PRUNE2: variants seen among roughly 807,000 people sequenced by gnomAD.
The protein encoded by PRUNE2 is prune homolog 2 with BCH domain.
PRUNE2 carries 164 observed loss-of-function variants against 252.0 expected under a neutral mutation model. The observed-to-expected ratio is 0.65, with a 90% CI of 0.57 to 0.74. PRUNE2 has a LOEUF of 0.74. PRUNE2 is among the 30% of genes least tolerant of loss of function. PRUNE2 has a pLI of 0.00. For synonymous variants in PRUNE2, 1,292 were observed against 1,350.2 expected (o/e 0.96, Z 0.94); for missense variants, 3,495 against 3,711.0 (o/e 0.94, Z 1.51).
In PRUNE2 at chr9:76,810,609, T is replaced by C. The variant is rs186290688; in HGVS notation, c.756+13023A>G. Among the ~76,000 whole-genome samples, 4 of 152,334 alleles carry C rather than the reference T, an allele frequency of 2.6e-5. No individual in the cohort carries two copies. The East Asian group carries it at 7.7e-4, about 29-fold the overall frequency. On this transcript the variant is annotated intron_variant, in intron 6 of 18. Transcript: ENST00000376718. ...GGCTCAGCACAGCCATCCTTAGCAA[T>C]CATGTCAATTAAGCAACAGTAAAAG...
chr9:76,638,435 T>C (rs1841098468), intron 12 of PRUNE2, 147 bp from the exon 13 acceptor site: 2 of 615,502 alleles, frequency 3.2e-6, no homozygotes, highest in Non-Finnish European at 5.8e-6. Context: ...TGACTATAGG[T>C]CTGTAGGTAT....
Position 76,706,116 on chromosome 9 carries a change from A to G in PRUNE2, c.6158T>C (p.Leu2053Ser). 6.2e-7 allele frequency: 1 copy of G among 1,614,038 alleles called. No homozygotes were observed. ...DSRGTFVPDI[L>S]HGNFQEGGQL... ...CCCACCCTCTTGAAAGTTGCCATGT[A>G]AAATATCTGGCACAAAGGTACCTCG... The change falls in exon 8 of 19, where the codon TTA becomes TCA. Residue 2053 changes from leucine to serine, a missense_variant. Leu to Ser is a moderately radical substitution (Grantham distance 145). Transcript: ENST00000376718.
intron 6 of PRUNE2, chr9:76,758,604 C>T (rs779514213): frequency 5.3e-5 from 8 of 152,052 alleles, no homozygotes; most frequent in East Asian, 3.9e-4. Flanking sequence ...GGGCTGCTCC[C>T]GCCTCAGCCT....
At chr9:76,736,543 GCTGTCTGATGAGCAC>G (rs2049090191) in intron 6 of PRUNE2, 1 of 152,178 alleles carries the variant, frequency 6.6e-6, no homozygotes, top group African/African-American at 2.4e-5. Context: ...TGACATACTC[GCTGTCTGATGAGCAC>G]CTGCCTCCTG....
At chr9:76,682,397 T>C (rs1359256530) in intron 9 of PRUNE2, among the ~76,000 whole-genome samples, 1 of 151,028 alleles carries the variant, frequency 6.6e-6, no homozygotes, top group African/African-American at 2.4e-5. Flanking sequence ...GTTTCACTCT[T>C]GTTGCCCAGG....
At chr9:76,768,186 T>C (rs572920563) in intron 6 of PRUNE2, among the ~76,000 whole-genome samples, 133 of 150,090 alleles carry the variant, frequency 8.9e-4, no homozygotes, top group African/African-American at 3.3e-3. Context: ...AGTACTTCCA[T>C]GTCAATGATT....
At chr9:76,815,375 G>C (rs2057619244) in intron 6 of PRUNE2, among the ~76,000 whole-genome samples, 1 of 152,162 alleles carries the variant, frequency 6.6e-6, no homozygotes, top group South Asian at 2.1e-4. Context: ...AGTTCTAGAG[G>C]CTGGGAGAAA....
chr9:76,741,247 T>C (rs991934401), intron 6 of PRUNE2, among the ~76,000 whole-genome samples: 1 of 152,248 alleles, frequency 6.6e-6, no homozygotes, highest in African/African-American at 2.4e-5. Context: ...TTTCTTTATG[T>C]GATTTTTCTC....
chr9:76,865,806 TACAC>T (rs34661457), intron 1 of PRUNE2, among the ~76,000 whole-genome samples: 5,488 of 127,128 alleles, frequency 0.043, 230 homozygotes, highest in African/African-American at 0.12. Context: ...TCTCTCTCCC[TACAC>T]ACACACACAC....
At chr9:76,659,793 C>T (rs907516079) in intron 9 of PRUNE2, among the ~76,000 whole-genome samples, 1 of 151,206 alleles carries the variant, frequency 6.6e-6, no homozygotes, top group Non-Finnish European at 1.5e-5. Flanking sequence ...GATACTCAAC[C>T]ATTATATGTA....
intron 12 of PRUNE2, among the ~76,000 whole-genome samples, chr9:76,641,601 CTCT>C (rs1842621496): frequency 2.0e-5 from 3 of 152,162 alleles, no homozygotes; most frequent in African/African-American, 7.2e-5. Context: ...ATGCAGCTTA[CTCT>C]AGTAAAGTTT....
intron 6 of PRUNE2, among the ~76,000 whole-genome samples, chr9:76,741,779 C>T (rs757677727): frequency 2.0e-5 from 3 of 152,160 alleles, no homozygotes; most frequent in Non-Finnish European, 4.4e-5. Context: ...GTCAGCTTCC[C>T]GCAAGCTTAT....
intron 3 of PRUNE2, among the ~76,000 whole-genome samples, chr9:76,847,272 G>A (rs2059717984): frequency 6.6e-6 from 1 of 151,350 alleles, no homozygotes; most frequent in African/African-American, 2.4e-5. Context: ...GTTGCAGTGA[G>A]CCAAGACCGT....
intron 6 of PRUNE2, among the ~76,000 whole-genome samples, chr9:76,751,581 T>G (rs985715452): frequency 6.6e-6 from 1 of 152,214 alleles, no homozygotes; most frequent in African/African-American, 2.4e-5. Context: ...GCCTTTAAAT[T>G]TGTATCTTCG....
chr9:76,799,713 C>T (rs1273383873), intron 6 of PRUNE2, among the ~76,000 whole-genome samples: 1 of 152,194 alleles, frequency 6.6e-6, no homozygotes, highest in Non-Finnish European at 1.5e-5. Flanking sequence ...AACAAAAGAA[C>T]TGCGTGATCA....
At position 76,705,392 on chromosome 9, in the gene PRUNE2, T is replaced by G; in HGVS notation, c.6882A>C (p.Ile2294=). The change falls in exon 8 of 19, where the codon ATA becomes ATC. Residue 2294 remains isoleucine, a synonymous_variant. Coordinates refer to ENST00000376718, the MANE Select transcript of PRUNE2 (RefSeq NM_015225.3). ...ALLASDTCLD[I]SEAAFDHSFS... Reference sequence around the variant, plus strand: ...AACTGTGGTCAAAGGCAGCTTCGCTTATATCCAGACAAGTGTCTGAGGCTA... The same window carrying G: ...AACTGTGGTCAAAGGCAGCTTCGCTGATATCCAGACAAGTGTCTGAGGCTA... 1 of 1,613,976 alleles carries G rather than the reference T, an allele frequency of 6.2e-7. No homozygotes were observed. Among genetic ancestry groups the G allele is most frequent in the Non-Finnish European group, 8.5e-7 (1 of 1,179,872 alleles).
Sources: allele counts gnomAD v4.1 joint callset (sites outside exome capture counted in the v4.1 genomes callset), GRCh38; gene constraint gnomAD v4.1.1; transcripts MANE v1.5; gene names NCBI Gene and HGNC (gene_info 2026-07-23, HGNC 2026-07-21).